APBB1IP: variants seen among roughly 807,000 people sequenced by gnomAD.
The protein encoded by APBB1IP is amyloid beta precursor protein binding family B member 1 interacting protein, also known as amyloid beta A4 precursor protein-binding family B member 1-interacting protein.
Under a neutral mutation model 64.9 loss-of-function variants are expected in APBB1IP, and 27 were observed. The ratio of observed to expected loss-of-function variants is 0.42; its 90% CI spans 0.31 to 0.57. APBB1IP has a LOEUF of 0.57. Among genes scored for constraint, APBB1IP ranks in the 20% least tolerant of loss-of-function variants. The pLI, the probability that APBB1IP is intolerant of heterozygous loss-of-function variation, is 0.20. For synonymous variants in APBB1IP, 392 were observed against 331.0 expected (o/e 1.18, Z -2.00); for missense variants, 812 against 845.5 (o/e 0.96, Z 0.49).
In APBB1IP at chr10:26,535,944, T is replaced by C. The variant is rs574888252; in HGVS notation, c.901-130T>C. 15 of 874,908 alleles carry C rather than the reference T, an allele frequency of 1.7e-5. No homozygotes were observed. The South Asian group carries it at 3.0e-4, about 17-fold the overall frequency. The allele number at this position is 874,908 out of a possible 1,614,324, so 54.2% of individuals were successfully genotyped here. ...GCAAATAGCATATAATATAAACATATGCATTCGATCAGAGTTGTACACAAA... is the reference window on the plus strand; with the variant it reads ...GCAAATAGCATATAATATAAACATACGCATTCGATCAGAGTTGTACACAAA... On this transcript the variant is annotated intron_variant, in intron 9 of 14. Coordinates refer to ENST00000376236, the MANE Select transcript of APBB1IP (RefSeq NM_019043.4).
chr10:26,510,593 G>A (rs1423837214), intron 6 of APBB1IP, among the ~76,000 whole-genome samples: 1 of 151,936 alleles, frequency 6.6e-6, no homozygotes, highest in African/African-American at 2.4e-5. Context: ...AAAATTAGCT[G>A]GGTGTGGTGG....
At chr10:26,558,794 A>G (rs755178865) in intron 11 of APBB1IP, among the ~76,000 whole-genome samples, 1 of 152,152 alleles carries the variant, frequency 6.6e-6, no homozygotes, top group Non-Finnish European at 1.5e-5. Flanking sequence ...AATAAAAATT[A>G]AACCAGAAAC....
chr10:26,442,777 G>A (rs1835350804), intron 2 of APBB1IP, among the ~76,000 whole-genome samples: 1 of 152,066 alleles, frequency 6.6e-6, no homozygotes, highest in Non-Finnish European at 1.5e-5. Flanking sequence ...GACATTTCCT[G>A]GTCTCCTTCC....
chr10:26,448,695 C>CTAG (rs1835428391), intron 2 of APBB1IP, among the ~76,000 whole-genome samples: 2 of 152,180 alleles, frequency 1.3e-5, no homozygotes, highest in Non-Finnish European at 2.9e-5. Flanking sequence ...TATTTGCCCT[C>CTAG]TAGTAACAAA....
intron 8 of APBB1IP, among the ~76,000 whole-genome samples, chr10:26,522,196 TTTTA>T (rs1433324271): frequency 8.0e-6 from 1 of 124,226 alleles, no homozygotes; most frequent in East Asian, 3.7e-4. Context: ...ATGAATAAGT[TTTTA>T]TTTTTTTTAT....
At chr10:26,464,750 GA>G (rs1258886974) in intron 2 of APBB1IP, among the ~76,000 whole-genome samples, 3 of 152,128 alleles carry the variant, frequency 2.0e-5, no homozygotes, top group Non-Finnish European at 4.4e-5. Flanking sequence ...TTTTACAGAT[GA>G]AAAAACTGAG....
intron 2 of APBB1IP, among the ~76,000 whole-genome samples, chr10:26,442,013 C>G (rs748277224): frequency 2.0e-5 from 3 of 152,156 alleles, no homozygotes; most frequent in Non-Finnish European, 4.4e-5. Flanking sequence ...GTTGTTTGAA[C>G]TGGGCCATCT....
chr10:26,486,954 C>T (rs147754444), intron 2 of APBB1IP, among the ~76,000 whole-genome samples: 31 of 152,260 alleles, frequency 2.0e-4, no homozygotes, highest in African/African-American at 7.5e-4. Context: ...CCAATAATAA[C>T]AATAATAATC....
intron 14 of APBB1IP, among the ~76,000 whole-genome samples, chr10:26,563,880 G>A (rs949913995): frequency 5.3e-5 from 8 of 151,900 alleles, no homozygotes; most frequent in Non-Finnish European, 1.2e-4. Context: ...ATCTCCTCAT[G>A]CGATGTGCTT....
intron 7 of APBB1IP, 101 bp downstream of exon 7, chr10:26,512,007 A>G: frequency 7.7e-7 from 1 of 1,305,198 alleles, no homozygotes; most frequent in Non-Finnish European, 1.0e-6. Flanking sequence ...ATTTTATATA[A>G]AAAATAGACA....
chr10:26,559,743 C>T (rs1472298037), intron 11 of APBB1IP, among the ~76,000 whole-genome samples: 2 of 151,566 alleles, frequency 1.3e-5, no homozygotes, highest in Non-Finnish European at 2.9e-5. Flanking sequence ...CTCAGCCTCC[C>T]GAGTAGCTGG....
At chr10:26,545,843 A>C (rs924345225) in intron 11 of APBB1IP, among the ~76,000 whole-genome samples, 4 of 151,348 alleles carry the variant, frequency 2.6e-5, no homozygotes, top group African/African-American at 9.7e-5. Flanking sequence ...CTAGCTACTC[A>C]GGAGGCTGAG....
intron 2 of APBB1IP, among the ~76,000 whole-genome samples, chr10:26,442,441 T>C (rs1270140339): frequency 6.6e-6 from 1 of 152,216 alleles, no homozygotes; most frequent in Non-Finnish European, 1.5e-5. Flanking sequence ...TGGGGATCTT[T>C]TTGATTTAGT....
At chr10:26,557,772 T>C (rs1836912335) in intron 11 of APBB1IP, among the ~76,000 whole-genome samples, 1 of 152,240 alleles carries the variant, frequency 6.6e-6, no homozygotes, top group African/African-American at 2.4e-5. Flanking sequence ...CACACGCTCT[T>C]GCTGGCTGAG....
chr10:26,466,181 C>T (rs1049365340), intron 2 of APBB1IP, among the ~76,000 whole-genome samples: 6 of 152,196 alleles, frequency 3.9e-5, no homozygotes, highest in Non-Finnish European at 7.4e-5. Context: ...TCTACAGCCC[C>T]TCCGGGTGTC....
intron 2 of APBB1IP, among the ~76,000 whole-genome samples, chr10:26,472,669 G>A (rs1835733466): frequency 6.6e-6 from 1 of 152,090 alleles, no homozygotes; most frequent in Non-Finnish European, 1.5e-5. Context: ...GCACAGTCAA[G>A]ATCACATGTA....
At chr10:26,472,349 A>G (rs1835728262) in intron 2 of APBB1IP, among the ~76,000 whole-genome samples, 1 of 152,206 alleles carries the variant, frequency 6.6e-6, no homozygotes, top group Admixed American at 6.5e-5. Context: ...ATAATGCCCA[A>G]TAATAGAAAG....
intron 2 of APBB1IP, among the ~76,000 whole-genome samples, chr10:26,483,504 G>C (rs949564553): frequency 6.6e-6 from 1 of 152,270 alleles, no homozygotes; most frequent in Non-Finnish European, 1.5e-5. Context: ...TTATCAGGCA[G>C]GTAGAGAGCA....
chr10:26,559,391 C>G (rs1836937147), intron 11 of APBB1IP, among the ~76,000 whole-genome samples: 1 of 147,166 alleles, frequency 6.8e-6, no homozygotes, highest in Admixed American at 6.9e-5. Flanking sequence ...TAGTGAGACT[C>G]CAATTCTACC....
Sources: allele counts gnomAD v4.1 joint callset (sites outside exome capture counted in the v4.1 genomes callset), GRCh38; gene constraint gnomAD v4.1.1; transcripts MANE v1.5; gene names NCBI Gene and HGNC (gene_info 2026-07-23, HGNC 2026-07-21).